Variants in APBA2 observed in about 807,000 individuals in gnomAD.
APBA2 encodes the protein amyloid-beta A4 precursor protein-binding family A member 2.
APBA2 carries 30 observed loss-of-function variants against 75.0 expected under a neutral mutation model. The ratio of observed to expected loss-of-function variants is 0.40; its 90% CI spans 0.30 to 0.54. The LOEUF (loss-of-function observed/expected upper bound fraction) is 0.54, where lower values mean the gene tolerates loss of function less well. Among genes scored for constraint, APBA2 ranks in the 20% least tolerant of loss-of-function variants. The pLI is 0.49. For missense variants in APBA2, 801 were observed against 1,016.1 expected (o/e 0.79, Z 2.88); for synonymous variants, 444 against 409.6 (o/e 1.08, Z -1.01).
chr15:29,015,985 G>A (rs373558155), intron 3 of APBA2, among the ~76,000 whole-genome samples: 2 of 152,316 alleles, frequency 1.3e-5, no homozygotes, highest in East Asian at 3.9e-4. Context: ...TTGGCCGGGC[G>A]CGGTGGCTCA....
chr15:28,980,560 A>G (rs1368941161), intron 2 of APBA2, among the ~76,000 whole-genome samples: 1 of 152,212 alleles, frequency 6.6e-6, no homozygotes, highest in African/African-American at 2.4e-5. Context: ...AACAAATGGA[A>G]AAACATTCTA....
intron 3 of APBA2, among the ~76,000 whole-genome samples, chr15:29,010,322 G>A (rs1363188618): frequency 2.6e-5 from 4 of 152,044 alleles, no homozygotes; most frequent in Non-Finnish European, 4.4e-5. Flanking sequence ...GCAGTGGTGC[G>A]ATCTCAGCTC....
chr15:29,069,732 C>T (rs913776392), intron 4 of APBA2, among the ~76,000 whole-genome samples: 1 of 152,248 alleles, frequency 6.6e-6, no homozygotes, highest in Non-Finnish European at 1.5e-5. Flanking sequence ...ATCGTCCTGT[C>T]CTTAGCAAGA....
chr15:28,969,126 C>A (rs948306155), intron 2 of APBA2, among the ~76,000 whole-genome samples: 2 of 106,216 alleles, frequency 1.9e-5, no homozygotes, highest in Admixed American at 9.4e-5. Context: ...CCTTTCATTT[C>A]TTTTTCTTTC....
At chr15:28,973,773 A>G (rs28587956) in intron 2 of APBA2, among the ~76,000 whole-genome samples, 25,666 of 152,092 alleles carry the variant, frequency 0.17, 5,051 homozygotes, top group African/African-American at 0.48. Flanking sequence ...AGGAAGAGCA[A>G]AAGAGGAACA....
intron 2 of APBA2, among the ~76,000 whole-genome samples, chr15:28,948,194 G>T (rs2035652174): frequency 6.6e-6 from 1 of 152,216 alleles, no homozygotes; most frequent in African/African-American, 2.4e-5. Context: ...GAAGGAATCA[G>T]AGGCTCACAG....
At position 29,108,008 on chromosome 15, in the gene APBA2, C is replaced by G. The variant is rs373631859; in HGVS notation, c.1918-262C>G. ...TGGGCTCGCTCCTGCAGTGGCTAAT[C>G]TTCCCCAGGGCAGAGGCACCCTGCG... On this transcript the variant is annotated intron_variant, in intron 12 of 14. Transcript: ENST00000683413. 9.9e-5 allele frequency among the ~76,000 whole-genome samples: 15 copies of G among 152,174 alleles called. 1 individual carries two copies. Among genetic ancestry groups the G allele is most frequent in the East Asian group, 9.7e-4 (5 of 5,180 alleles).
intron 2 of APBA2, among the ~76,000 whole-genome samples, chr15:28,939,768 G>A (rs1025703358): frequency 6.6e-6 from 1 of 152,172 alleles, no homozygotes; most frequent in Non-Finnish European, 1.5e-5. Context: ...GTGCTGCAGT[G>A]CCCCTGTGGG....
intron 3 of APBA2, among the ~76,000 whole-genome samples, chr15:29,037,424 G>A (rs1305373119): frequency 6.6e-6 from 1 of 152,170 alleles, no homozygotes; most frequent in Non-Finnish European, 1.5e-5. Flanking sequence ...GAAGGATGAT[G>A]TGAATCATCG....
At chr15:29,060,739 T>C (rs973533318) in intron 4 of APBA2, among the ~76,000 whole-genome samples, 3 of 152,218 alleles carry the variant, frequency 2.0e-5, no homozygotes, top group Admixed American at 6.5e-5. Flanking sequence ...AGATTGTTCA[T>C]GTGGCATTTT....
intron 3 of APBA2, among the ~76,000 whole-genome samples, chr15:29,009,593 A>G (rs2039298990): frequency 6.6e-6 from 1 of 151,932 alleles, no homozygotes; most frequent in South Asian, 2.1e-4. Context: ...CACTACCACC[A>G]CCACCTAAAG....
intron 1 of APBA2, among the ~76,000 whole-genome samples, chr15:28,889,877 C>T (rs1307034638): frequency 1.3e-5 from 2 of 152,198 alleles, no homozygotes; most frequent in Non-Finnish European, 1.5e-5. Flanking sequence ...TTGTGTTTCT[C>T]CTTAGTACTC....
intron 2 of APBA2, among the ~76,000 whole-genome samples, chr15:28,962,964 A>G (rs1360286575): frequency 2.0e-5 from 3 of 152,136 alleles, no homozygotes; most frequent in African/African-American, 4.8e-5. Flanking sequence ...ACCTGCACAG[A>G]TATCAGTATG....
chr15:29,103,856 G>T (rs899152869), intron 10 of APBA2, among the ~76,000 whole-genome samples: 2 of 152,302 alleles, frequency 1.3e-5, no homozygotes, highest in South Asian at 2.1e-4. Context: ...TCTCCTGCGC[G>T]GGCGCTGCCC....
At chr15:29,104,868 AT>A (rs1181645093) in intron 10 of APBA2, among the ~76,000 whole-genome samples, 1 of 152,130 alleles carries the variant, frequency 6.6e-6, no homozygotes, top group Non-Finnish European at 1.5e-5. Flanking sequence ...AGGATCACTT[AT>A]GTCCAGGAGT....
chr15:29,014,426 A>G (rs1183809983), intron 3 of APBA2, among the ~76,000 whole-genome samples: 3 of 152,206 alleles, frequency 2.0e-5, no homozygotes, highest in Non-Finnish European at 2.9e-5. Context: ...TCCCAAAACA[A>G]TCCTTTAATA....
chr15:29,100,962 C>G (rs1459371841), intron 9 of APBA2, among the ~76,000 whole-genome samples: 1 of 152,220 alleles, frequency 6.6e-6, no homozygotes, highest in East Asian at 1.9e-4. Flanking sequence ...AATCATTACC[C>G]TAAAACGCTC....
intron 2 of APBA2, among the ~76,000 whole-genome samples, chr15:28,931,073 G>A (rs576571815): frequency 3.3e-4 from 51 of 152,328 alleles, no homozygotes; most frequent in African/African-American, 1.1e-3. Flanking sequence ...CCCTGTTTGG[G>A]AATCATGGTG....
chr15:29,104,137 C>G (rs763374000), intron 10 of APBA2, among the ~76,000 whole-genome samples: 2 of 152,256 alleles, frequency 1.3e-5, no homozygotes, highest in Admixed American at 6.5e-5. Context: ...CTCTTACATC[C>G]TGCCACGTGG....
Sources: gnomAD v4.1 joint callset for allele counts (sites outside exome capture counted in the v4.1 genomes callset) on GRCh38, gnomAD v4.1.1 for gene constraint, MANE v1.5 for transcripts, NCBI Gene and HGNC (gene_info 2026-07-23, HGNC 2026-07-21) for gene names.